CENPP: variants seen among roughly 807,000 people sequenced by gnomAD.
CENPP encodes the protein centromere protein P.
A neutral mutation model predicts 35.6 loss-of-function variants in CENPP; 24 were observed. The observed-to-expected ratio is 0.67, with a 90% CI of 0.49 to 0.95. CENPP has a LOEUF of 0.95. Ranked by LOEUF, CENPP falls within the 40% of genes least tolerant of loss-of-function variation. The pLI, the probability that CENPP is intolerant of heterozygous loss-of-function variation, is 0.00. For missense variants in CENPP, 332 were observed against 345.3 expected, an observed-to-expected ratio of 0.96 and a Z score of 0.31; for synonymous variants, 120 against 125.5, an observed-to-expected ratio of 0.96 and a Z score of 0.29.
intron 5 of CENPP, among the ~76,000 whole-genome samples, chr9:92,406,812 G>C (rs1843320285): frequency 6.6e-6 from 1 of 152,122 alleles, no homozygotes; most frequent in South Asian, 2.1e-4. Context: ...CAAAAGGGCA[G>C]CTCACAACAT....
chr9:92,486,004 A>T (rs748468307), intron 5 of CENPP, among the ~76,000 whole-genome samples: 19 of 152,172 alleles, frequency 1.2e-4, no homozygotes, highest in Admixed American at 2.6e-4. Context: ...TAGATTGTAC[A>T]ATGTTCTTTT....
Position 92,495,754 on chromosome 9 carries a change from T to C in CENPP, c.565-115560T>C, listed in dbSNP as rs2131132411. ...AGGAAATTAACATTACAGTAGTGTT[T>C]TAATTTTACACATGTAATTAATGGA... On this transcript the variant is annotated intron_variant, in intron 5 of 7. Transcript: ENST00000375587. 3.2e-6 allele frequency: 3 copies of C among 939,452 alleles called. No homozygotes were observed. The South Asian group carries it at 1.5e-4, about 46-fold the overall frequency. The allele number at this position is 939,452 out of a possible 1,614,324, so 58.2% of individuals were successfully genotyped here.
At chr9:92,349,619 G>C (rs1172939888) in intron 4 of CENPP, among the ~76,000 whole-genome samples, 1 of 151,914 alleles carries the variant, frequency 6.6e-6, no homozygotes, top group Non-Finnish European at 1.5e-5. Flanking sequence ...GGCCAGGATG[G>C]TCTCGATCTC....
chr9:92,370,231 G>A (rs913227736), intron 4 of CENPP, among the ~76,000 whole-genome samples: 2 of 152,040 alleles, frequency 1.3e-5, no homozygotes, highest in African/African-American at 4.8e-5. Context: ...TTACTTTGTT[G>A]AAGATTTTGC....
chr9:92,571,143 G>A (rs1229614057), intron 5 of CENPP, among the ~76,000 whole-genome samples: 1 of 152,046 alleles, frequency 6.6e-6, no homozygotes, highest in Admixed American at 6.5e-5. Context: ...GTTTGCTCTT[G>A]CTTCTCTAGT....
chr9:92,459,499 A>T (rs558152587), intron 5 of CENPP: 5 of 817,132 alleles, frequency 6.1e-6, no homozygotes, highest in Non-Finnish European at 9.5e-6. Context: ...AAAACACCTC[A>T]TGCAACCTGG....
rs1398093532 is a variant in CENPP at position 92,345,717 on chromosome 9, TCTG to T, written c.401_403del (p.Ala134del). The T allele has an allele frequency of 6.3e-7, 1 of 1,587,608 alleles. No homozygotes were observed. Among genetic ancestry groups the T allele is most frequent in the Non-Finnish European group, 8.6e-7 (1 of 1,158,146 alleles). On this transcript the variant is annotated inframe_deletion, in exon 4 of 8. Coordinates refer to ENST00000375587, the MANE Select transcript of CENPP (RefSeq NM_001012267.3). The stretch of plus-strand genomic sequence containing the variant: ...ATTTTAGAATAAGGAGAGATTATCT[TCTG>T]CTGTTACTGACCTCAACATAATAAT...
chr9:92,549,920 G>A (rs1166999064), intron 5 of CENPP, among the ~76,000 whole-genome samples: 1 of 152,162 alleles, frequency 6.6e-6, no homozygotes, highest in Non-Finnish European at 1.5e-5. Context: ...TAGAGGCTGG[G>A]TTCTGGGTCT....
chr9:92,462,587 G>A (rs945679329), intron 5 of CENPP, among the ~76,000 whole-genome samples: 2 of 152,054 alleles, frequency 1.3e-5, no homozygotes, highest in African/African-American at 2.4e-5. Flanking sequence ...CAATAAAGAC[G>A]GATGAAGATA....
chr9:92,444,404 G>A (rs1029533365), intron 5 of CENPP, among the ~76,000 whole-genome samples: 1 of 150,926 alleles, frequency 6.6e-6, no homozygotes, highest in Non-Finnish European at 1.5e-5. Flanking sequence ...GTCCCTTATC[G>A]ATAGATATGA....
intron 5 of CENPP, among the ~76,000 whole-genome samples, chr9:92,577,845 A>T (rs913003051): frequency 4.0e-5 from 6 of 151,580 alleles, no homozygotes; most frequent in Admixed American, 3.9e-4. Context: ...CATGTGCACA[A>T]TGTGCAGGTT....
At chr9:92,422,607 G>A (rs1843841563) in intron 5 of CENPP, among the ~76,000 whole-genome samples, 1 of 152,168 alleles carries the variant, frequency 6.6e-6, no homozygotes, top group African/African-American at 2.4e-5. Context: ...TTCTAAACCT[G>A]AACTTATCTT....
chr9:92,459,949 G>A (rs1470340054), intron 5 of CENPP, among the ~76,000 whole-genome samples: 1 of 151,604 alleles, frequency 6.6e-6, no homozygotes, highest in East Asian at 1.9e-4. Context: ...TTCCAGTTTT[G>A]TCAGAAAATT....
At chr9:92,525,893 C>CAAAAAA (rs71362395) in intron 5 of CENPP, among the ~76,000 whole-genome samples, 1 of 43,904 alleles carries the variant, frequency 2.3e-5, no homozygotes, top group Non-Finnish European at 4.8e-5. Context: ...ACTCTATCTC[C>CAAAAAA]AAAAAAAAAA....
intron 5 of CENPP, among the ~76,000 whole-genome samples, chr9:92,454,153 TA>T (rs755623652): frequency 1.3e-5 from 2 of 152,204 alleles, no homozygotes; most frequent in Non-Finnish European, 2.9e-5. Context: ...CAGTAAATGT[TA>T]ATGCAGTTTT....
intron 5 of CENPP, chr9:92,496,315 T>A (rs1846340943): frequency 6.4e-7 from 1 of 1,573,328 alleles, no homozygotes; most frequent in Non-Finnish European, 8.6e-7. Flanking sequence ...AAACTTGGAA[T>A]TACTTGATGT....
chr9:92,434,160 G>A (rs1183893582), intron 5 of CENPP, among the ~76,000 whole-genome samples: 1 of 152,162 alleles, frequency 6.6e-6, no homozygotes, highest in Non-Finnish European at 1.5e-5. Context: ...GGAGGCTGAG[G>A]TCAGTGGATC....
intron 5 of CENPP, among the ~76,000 whole-genome samples, chr9:92,533,082 A>G (rs1038504886): frequency 6.6e-6 from 1 of 151,518 alleles, no homozygotes; most frequent in African/African-American, 2.4e-5. Context: ...GCGGATCACA[A>G]GGTCAGGAGT....
At chr9:92,431,010 G>T (rs2130987033) in intron 5 of CENPP, among the ~76,000 whole-genome samples, 1 of 151,922 alleles carries the variant, frequency 6.6e-6, no homozygotes, top group East Asian at 2.0e-4. Flanking sequence ...CGGCCAGGAT[G>T]GTCTCGATCT....
Sources: gnomAD v4.1 joint callset for allele counts (sites outside exome capture counted in the v4.1 genomes callset) on GRCh38, gnomAD v4.1.1 for gene constraint, MANE v1.5 for transcripts, NCBI Gene and HGNC (gene_info 2026-07-23, HGNC 2026-07-21) for gene names.